OPLAH: variants seen among roughly 807,000 people sequenced by gnomAD.
The protein encoded by OPLAH is 5-oxoprolinase, ATP-hydrolysing, also known as 5-oxoprolinase.
OPLAH carries 103 observed loss-of-function variants against 122.8 expected under a neutral mutation model. The observed-to-expected ratio is 0.84, with a 90% CI of 0.71 to 0.99. The LOEUF is 0.99. Among genes scored for constraint, OPLAH ranks in the 50% least tolerant of loss-of-function variants. The pLI is 0.00. For missense variants in OPLAH, 1,902 were observed against 1,836.5 expected (o/e 1.04, Z -0.65); for synonymous variants, 875 against 796.0 (o/e 1.10, Z -1.67).
At chr8:144,053,415 T>C in intron 19 of OPLAH, 22 bp from the exon 20 acceptor site, 9 of 1,589,162 alleles carry the variant, frequency 5.7e-6, no homozygotes, top group Non-Finnish European at 7.7e-6. Flanking sequence ...GTGTCATCAC[T>C]GAGCCCCTGG....
Position 144,055,922 on chromosome 8 carries a change from G to A in OPLAH, c.2114C>T (p.Pro705Leu). ...CTTGGTCACCTCTGCCTGGCAACCT[G>A]GCTCCACCAGGATGGTGCTGGGGAG... ...IDSNSTILVE[P>L]GCQAEVTKTG... The change falls in exon 16 of 27, where the codon CCA becomes CTA. Residue 705 changes from proline to leucine, a missense_variant. Transcript: ENST00000618853. The surrounding 1 kb of genome is among the most constrained non-coding windows in gnomAD (Gnocchi z 6.5). The A allele has an allele frequency of 1.9e-6, 3 of 1,585,638 alleles. No homozygotes were observed. The highest frequency in any genetic ancestry group is 1.8e-5 in the Admixed American group (1 of 56,454).
upstream of OPLAH, among the ~76,000 whole-genome samples, chr8:144,061,050 A>T (rs996945018): frequency 4.6e-5 from 7 of 152,158 alleles, no homozygotes; most frequent in Non-Finnish European, 1.0e-4. Context: ...AGGAGAGGGG[A>T]GGCCCTGCGG....
chr8:144,059,498 A>C (rs1229526431), intron 3 of OPLAH, 101 bp downstream of exon 3: 44 of 1,251,574 alleles, frequency 3.5e-5, no homozygotes, highest in Non-Finnish European at 4.5e-5. Context: ...GCTGGTGCCC[A>C]TGAGCCATCA....
chr8:144,050,654 C>G (rs1240582583), downstream of OPLAH: 2 of 983,740 alleles, frequency 2.0e-6, no homozygotes, highest in Non-Finnish European at 2.4e-6. Flanking sequence ...GGAGGGTACC[C>G]CCGCCGGCTG....
Position 144,053,392 on chromosome 8 carries a change from C to T in OPLAH, c.2688G>A (p.Ala896=), listed in dbSNP as rs781895184. 31 of 1,606,884 alleles carry T rather than the reference C, an allele frequency of 1.9e-5. No individual in the cohort carries two copies. The East Asian group carries it at 2.9e-4, about 15-fold the overall frequency. The stretch of plus-strand genomic sequence containing the variant: ...CTGGCGCCCGCAGGGCCTCCGTCAC[C>T]GCTGGATGGACAGTGTCATCACTGA... ...LVQGGVFQEE[A]VTEALRAPGK... The change falls in exon 20 of 27, where the codon GCG becomes GCA. Residue 896 remains alanine, a splice_region_variant and synonymous_variant. Coordinates refer to ENST00000618853, the MANE Select transcript of OPLAH (RefSeq NM_017570.5).
rs782716446 is a variant in OPLAH at position 144,053,111 on chromosome 8, C to A, written c.2890G>T (p.Val964Leu). Residue 964 changes from valine to leucine, a missense_variant, in exon 21 of 27, where the codon GTG becomes TTG. Around this residue, in one of 3 missense-constraint regions of OPLAH, gnomAD observed 1,726 missense variants for 1,642.1 expected, o/e 1.05. Transcript: ENST00000618853. Reference protein sequence around the residue: ...GHIQANAELAVRDMLRAFGTS... With the variant: ...GHIQANAELALRDMLRAFGTS... ...CCAAAGGCACGCAACATGTCTCGCA[C>A]GGCCAGCTCAGCGTTTGCCTGGCAG... is the stretch of plus-strand genomic sequence containing the variant. The A allele has an allele frequency of 2.5e-6, 4 of 1,606,674 alleles. 1 individual carries two copies. In the South Asian group the frequency reaches 4.4e-5, roughly 18 times the overall value.
At position 144,058,582 on chromosome 8, in the gene OPLAH, G is replaced by GC; in HGVS notation, c.696dup (p.His233AlafsTer82). 1 of 1,602,478 alleles carries GC rather than the reference G, an allele frequency of 6.2e-7. No individual in the cohort carries two copies. ...AGGTAGGCGTCGGCACAGGCCGTGTGCCCCCGAGGGACGATGCGCACCATG... is the reference window on the plus strand; with the variant it reads ...AGGTAGGCGTCGGCACAGGCCGTGTGCCCCCCGAGGGACGATGCGCACCATG... On this transcript the variant is annotated frameshift_variant, in exon 6 of 27. Transcript: ENST00000618853. LOFTEE classifies it high-confidence loss of function.
chr8:144,062,508 C>T (rs1835679726), upstream of OPLAH, among the ~76,000 whole-genome samples: 1 of 152,082 alleles, frequency 6.6e-6, no homozygotes, highest in Non-Finnish European at 1.5e-5. Context: ...CCACTTCAGC[C>T]GAGGACCTTC....
At position 144,053,376 on chromosome 8, in the gene OPLAH, G is replaced by T. The variant is rs782146729; in HGVS notation, c.2704C>A (p.Arg902=). The change falls in exon 20 of 27, where the codon CGG becomes AGG. Residue 902 remains arginine, a synonymous_variant. Coordinates refer to ENST00000618853, the MANE Select transcript of OPLAH (RefSeq NM_017570.5). ...CAGTTGGGGACCTTGCCTGGCGCCCGCAGGGCCTCCGTCACCGCTGGATGG... is the reference window on the plus strand; with the variant it reads ...CAGTTGGGGACCTTGCCTGGCGCCCTCAGGGCCTCCGTCACCGCTGGATGG... ...FQEEAVTEAL[R]APGKVPNCSG... 3.1e-6 allele frequency: 5 copies of T among 1,610,998 alleles called. No homozygotes were observed. The highest frequency in any genetic ancestry group is 3.3e-5 in the Admixed American group (2 of 59,858).
At position 144,051,350 on chromosome 8, in the gene OPLAH, A is replaced by G. The variant is rs201482072; in HGVS notation, c.3843T>C (p.Tyr1281=). The G allele has an allele frequency of 7.6e-5, 122 of 1,611,366 alleles. No homozygotes were observed. The African/African-American group carries it at 1.5e-3, about 19-fold the overall frequency. The change falls in exon 27 of 27, where the codon TAT becomes TAC. Residue 1281 remains tyrosine (Y), a synonymous_variant. Transcript: ENST00000618853. The part of the protein sequence containing the change: ...AFPEHGSVYE[Y]RRAQEAV Reference sequence around the variant, plus strand: ...CTCACACGGCCTCCTGGGCCCGGCGATACTCATAGACGCTGCCGTGCTCGG... The same window carrying G: ...CTCACACGGCCTCCTGGGCCCGGCGGTACTCATAGACGCTGCCGTGCTCGG...
chr8:144,052,385 C>T, intron 23 of OPLAH, 59 bp from the exon 24 acceptor site: 1 of 1,516,800 alleles, frequency 6.6e-7, no homozygotes, highest in African/African-American at 1.4e-5. Context: ...ACCTCGCCCT[C>T]CCGCTCCTAC....
chr8:144,050,459 G>C, downstream of OPLAH: 10 of 985,638 alleles, frequency 1.0e-5, no homozygotes, highest in Non-Finnish European at 1.2e-5. Flanking sequence ...TGCTGGAAAG[G>C]TCCAGCAGGA....
chr8:144,053,432 C>A, intron 19 of OPLAH, 39 bp from the exon 20 acceptor site: 1 of 1,553,888 alleles, frequency 6.4e-7, no homozygotes, highest in South Asian at 1.2e-5. Flanking sequence ...CTGGCCAACC[C>A]TGTCTGCACC....
Position 144,059,785 on chromosome 8 carries a change from G to C in OPLAH, c.177C>G (p.Ala59=). The C allele has an allele frequency of 3.1e-6, 5 of 1,607,566 alleles. No individual in the cohort carries two copies. The highest frequency in any genetic ancestry group is 1.7e-4 in the Middle Eastern group (1 of 6,048). Residue 59 remains alanine, a synonymous_variant, in exon 3 of 27, where the codon GCC becomes GCG. Coordinates refer to ENST00000618853, the MANE Select transcript of OPLAH (RefSeq NM_017570.5). ...EGIRRILEQE[A]GMLLPRDQPL... ...GCTGGTCCCGGGGCAGGAGCATGCC[G>C]GCCTCCTGGGGACCACGTGGTCAGT... is the stretch of plus-strand genomic sequence containing the variant.
In OPLAH at chr8:144,056,657, G is replaced by T; in HGVS notation, c.1805C>A (p.Ser602Ter). Reference protein sequence around the residue: ...SAHQHPATARSPRAGDFGAAF... With the variant: ...SAHQHPATAR ...TGCCCCGAAGTCCCCCGCACGGGGC[G>T]AGCGGGCTGTGGCTGGGTGCTGGTG... Residue 602 changes from serine to a stop codon, truncating the protein, a stop_gained, in exon 13 of 27, where the codon TCG becomes TAG. Transcript: ENST00000618853. LOFTEE classifies it high-confidence loss of function. 1 of 1,612,128 alleles carries T rather than the reference G, an allele frequency of 6.2e-7. No homozygotes were observed. The highest frequency in any genetic ancestry group is 1.1e-5 in the South Asian group (1 of 91,038).
At chr8:144,063,498 T>C (rs1835695986), upstream of OPLAH, among the ~76,000 whole-genome samples, 2 of 152,188 alleles carry the variant, frequency 1.3e-5, no homozygotes, top group Admixed American at 6.5e-5. The surrounding 1 kb of genome is among the most constrained non-coding windows in gnomAD (Gnocchi z 4.2). Context: ...GGCTGTTCCC[T>C]GGGCCTGGAA....
intron 9 of OPLAH, 28 bp from the exon 10 acceptor site, chr8:144,057,741 G>T (rs1554759696): frequency 1.2e-6 from 2 of 1,610,168 alleles, no homozygotes; most frequent in Non-Finnish European, 1.7e-6. Flanking sequence ...TGTGGGGCTT[G>T]GGGGCTGGAG....
intron 3 of OPLAH, 30 bp downstream of exon 3, chr8:144,059,569 A>T: frequency 6.3e-7 from 1 of 1,579,244 alleles, no homozygotes; most frequent in Non-Finnish European, 8.6e-7. Context: ...TACACCACAC[A>T]GCCTGGTCCC....
rs1835495604 is a variant in OPLAH, at chr8:144,055,723, C to T, written c.2248+65G>A. On this transcript the variant is annotated intron_variant, in intron 16 of 26. Transcript: ENST00000618853. The surrounding 1 kb of genome is among the most constrained non-coding windows in gnomAD (Gnocchi z 6.5). ...TCTGCCTCTCCCTTTGGGCACAGCCCTGCCAGCTACCCCATGACACAGCCG... is the reference window on the plus strand; with the variant it reads ...TCTGCCTCTCCCTTTGGGCACAGCCTTGCCAGCTACCCCATGACACAGCCG... 1.4e-6 allele frequency: 2 copies of T among 1,426,658 alleles called. No homozygotes were observed. The highest frequency in any genetic ancestry group is 9.2e-7 in the Non-Finnish European group (1 of 1,086,512). 88.4% of individuals were successfully genotyped at this position (1,426,658 alleles called of 1,614,324 possible).
Sources: gnomAD v4.1 joint callset for allele counts (sites outside exome capture counted in the v4.1 genomes callset) on GRCh38, gnomAD v4.1.1 for gene constraint, gnomAD v4.1.1 regional missense constraint, Gnocchi (gnomAD v3.1) non-coding constraint, MANE v1.5 for transcripts, NCBI Gene and HGNC (gene_info 2026-07-23, HGNC 2026-07-21) for gene names.